The following STXBP5L variants were observed in gnomAD, a reference collection of about 807,000 sequenced individuals.
STXBP5L encodes syntaxin binding protein 5L.
A neutral mutation model predicts 144.5 loss-of-function variants in STXBP5L; 65 were observed. That is an observed-to-expected ratio of 0.45 (90% confidence interval 0.37 to 0.55). The LOEUF is 0.55. STXBP5L is among the 20% of genes least tolerant of loss of function. The pLI is 0.00. For missense variants in STXBP5L, 1,298 were observed against 1,405.5 expected (o/e 0.92, Z 1.22); for synonymous variants, 505 against 469.6 (o/e 1.08, Z -0.97).
At chr3:121,201,783 G>A (rs116545598) in intron 9 of STXBP5L, among the ~76,000 whole-genome samples, 3,048 of 152,158 alleles carry the variant, frequency 0.02, 41 homozygotes, top group Non-Finnish European at 0.029. Context: ...AGCTTAGCTT[G>A]GCTGGATATG....
chr3:121,120,594 A>G (rs1276949399), intron 6 of STXBP5L, among the ~76,000 whole-genome samples: 2 of 151,256 alleles, frequency 1.3e-5, no homozygotes, highest in Admixed American at 6.6e-5. Flanking sequence ...AATATTTAAG[A>G]TGAATCCACT....
chr3:121,008,286 A>C (rs1222277413), intron 3 of STXBP5L, among the ~76,000 whole-genome samples: 1 of 151,978 alleles, frequency 6.6e-6, no homozygotes, highest in African/African-American at 2.4e-5. Flanking sequence ...TTCCTTTGCC[A>C]GCTGGTCTAG....
chr3:121,002,781 C>T (rs1053305286), intron 3 of STXBP5L, among the ~76,000 whole-genome samples: 17 of 151,048 alleles, frequency 1.1e-4, no homozygotes, highest in Non-Finnish European at 2.5e-4. Flanking sequence ...GTTCAATTCC[C>T]AGCTATGAGT....
chr3:121,329,203 G>A (rs537086857), intron 20 of STXBP5L, among the ~76,000 whole-genome samples: 18 of 152,200 alleles, frequency 1.2e-4, no homozygotes, highest in Non-Finnish European at 1.3e-4. Flanking sequence ...TAAAAGTCCC[G>A]TAGGTTGGTT....
At chr3:121,308,390 A>G (rs1047362205) in intron 19 of STXBP5L, among the ~76,000 whole-genome samples, 1 of 152,350 alleles carries the variant, frequency 6.6e-6, no homozygotes, top group Non-Finnish European at 1.5e-5. Context: ...TACAAGAAAT[A>G]CTACGGGAAG....
intron 4 of STXBP5L, among the ~76,000 whole-genome samples, chr3:121,042,796 G>C (rs890331402): frequency 1.3e-5 from 2 of 151,980 alleles, no homozygotes; most frequent in African/African-American, 4.8e-5. Context: ...ATTGACAAAC[G>C]TAGCATATTT....
intron 5 of STXBP5L, among the ~76,000 whole-genome samples, chr3:121,065,909 G>C (rs937081524): frequency 1.3e-5 from 2 of 152,006 alleles, no homozygotes; most frequent in South Asian, 4.2e-4. Context: ...ACTTTTTGCC[G>C]GCTGTTTGGC....
At chr3:121,254,288 TCACAAA>T (rs1165407367) in intron 15 of STXBP5L, among the ~76,000 whole-genome samples, 4 of 151,926 alleles carry the variant, frequency 2.6e-5, no homozygotes, top group Non-Finnish European at 5.9e-5. Flanking sequence ...TAAAAACAGT[TCACAAA>T]CACAATGTAT....
chr3:121,346,479 G>A (rs1576237449), intron 20 of STXBP5L, among the ~76,000 whole-genome samples: 1 of 152,196 alleles, frequency 6.6e-6, no homozygotes, highest in East Asian at 1.9e-4. Context: ...TAATGGGATG[G>A]CTGGGTCAAA....
At chr3:121,041,656 G>A (rs766477673) in intron 3 of STXBP5L, 44 bp from the exon 4 acceptor site, 3 of 1,368,352 alleles carry the variant, frequency 2.2e-6, no homozygotes, top group Admixed American at 1.7e-5. Flanking sequence ...CATTAATATT[G>A]GTGCTAATTA....
chr3:121,322,870 T>C (rs2044021943), intron 20 of STXBP5L, among the ~76,000 whole-genome samples: 1 of 152,228 alleles, frequency 6.6e-6, no homozygotes, highest in Non-Finnish European at 1.5e-5. Context: ...GTTTGTTGAC[T>C]TTTTAATAAC....
intron 3 of STXBP5L, among the ~76,000 whole-genome samples, chr3:121,005,059 G>T (rs1482865611): frequency 6.6e-6 from 1 of 152,112 alleles, no homozygotes; most frequent in African/African-American, 2.4e-5. Context: ...GATAATGCTG[G>T]CTTCATAAAA....
chr3:121,296,218 G>C (rs1392454463), intron 19 of STXBP5L, among the ~76,000 whole-genome samples: 1 of 152,096 alleles, frequency 6.6e-6, no homozygotes, highest in Non-Finnish European at 1.5e-5. Context: ...ATAAAATCTT[G>C]GGGAAATTTC....
At chr3:121,305,435 CA>C (rs2043304280) in intron 19 of STXBP5L, among the ~76,000 whole-genome samples, 1 of 151,888 alleles carries the variant, frequency 6.6e-6, no homozygotes, top group African/African-American at 2.4e-5. Flanking sequence ...AAATGGAAGA[CA>C]AACATATAAA....
intron 19 of STXBP5L, among the ~76,000 whole-genome samples, chr3:121,298,169 T>A (rs371650661): frequency 2.4e-4 from 37 of 152,208 alleles, no homozygotes; most frequent in African/African-American, 8.9e-4. Flanking sequence ...TTTGTTTGTT[T>A]TGTTTTTTAT....
chr3:121,102,741 A>G (rs2043495419), intron 5 of STXBP5L, among the ~76,000 whole-genome samples: 1 of 152,150 alleles, frequency 6.6e-6, no homozygotes, highest in African/African-American at 2.4e-5. Flanking sequence ...CAGCAAGATA[A>G]ACTGTCACCA....
At chr3:121,218,160 T>C (rs2108277592) in intron 10 of STXBP5L, among the ~76,000 whole-genome samples, 1 of 140,040 alleles carries the variant, frequency 7.1e-6, no homozygotes, top group Non-Finnish European at 1.5e-5. Flanking sequence ...TATATAGTAA[T>C]AATATACTAT....
chr3:121,332,068 C>CAA (rs34153551), intron 20 of STXBP5L, among the ~76,000 whole-genome samples: 156 of 133,392 alleles, frequency 1.2e-3, no homozygotes, highest in Middle Eastern at 7.8e-3. Context: ...CTTTAAGAGA[C>CAA]AAAAAAAAAA....
At chr3:121,176,278 A>T (rs1227459854) in intron 9 of STXBP5L, among the ~76,000 whole-genome samples, 1 of 151,990 alleles carries the variant, frequency 6.6e-6, no homozygotes, top group African/African-American at 2.4e-5. Context: ...ATGGGACACT[A>T]ATCCAAATGG....
Sources: gnomAD v4.1 joint callset for allele counts (sites outside exome capture counted in the v4.1 genomes callset) on GRCh38, gnomAD v4.1.1 for gene constraint, MANE v1.5 for transcripts, NCBI Gene and HGNC (gene_info 2026-07-23, HGNC 2026-07-21) for gene names.